Variants in RPS10 observed in about 807,000 individuals in gnomAD.
RPS10 encodes small ribosomal subunit protein eS10.
RPS10 carries 2 observed loss-of-function variants against 22.6 expected under a neutral mutation model. That is an observed-to-expected ratio of 0.09 (90% CI 0.04 to 0.28). The LOEUF is 0.28. Among genes scored for constraint, RPS10 ranks in the 10% least tolerant of loss-of-function variants. The pLI, the probability that RPS10 is intolerant of heterozygous loss-of-function variation, is 1.00. For missense variants in RPS10, 137 were observed against 222.2 expected, an observed-to-expected ratio of 0.62 and a Z score of 2.44; for synonymous variants, 70 against 75.9, an observed-to-expected ratio of 0.92 and a Z score of 0.40.
intron 4 of RPS10, among the ~76,000 whole-genome samples, chr6:34,421,344 G>A (rs936240634): frequency 2.0e-5 from 3 of 151,294 alleles, no homozygotes; most frequent in Non-Finnish European, 4.4e-5. Flanking sequence ...CCACCACACC[G>A]CCCTAATTTT....
intron 4 of RPS10, 22 bp from the exon 5 acceptor site, chr6:34,418,446 T>C: frequency 1.2e-6 from 2 of 1,614,200 alleles, no homozygotes; most frequent in Non-Finnish European, 1.7e-6. Flanking sequence ...AACATCGATT[T>C]AGAATCATCA....
At chr6:34,420,864 T>C (rs976825893) in intron 4 of RPS10, among the ~76,000 whole-genome samples, 3 of 151,420 alleles carry the variant, frequency 2.0e-5, no homozygotes, top group Non-Finnish European at 4.4e-5. Context: ...AAAAATTAGC[T>C]GGGCATGGCG....
At chr6:34,421,658 C>G in intron 4 of RPS10, 72 bp downstream of exon 4, 1 of 1,577,258 alleles carries the variant, frequency 6.3e-7, no homozygotes, top group Non-Finnish European at 8.7e-7. Flanking sequence ...GAGCCCCACC[C>G]AGCCAGAGCC....
At chr6:34,418,142 G>T (rs1439505932) in intron 5 of RPS10, 2 of 1,456,786 alleles carry the variant, frequency 1.4e-6, no homozygotes. Flanking sequence ...GAAAATACTA[G>T]TAGGCCACAT....
intron 3 of RPS10, chr6:34,424,166 C>CAAAAAAAAAAAAAAAAAAA (rs1765871776): frequency 4.6e-4 from 6 of 12,976 alleles, no homozygotes; most frequent in Admixed American, 1.3e-3. Flanking sequence ...AAAAAAAAAG[C>CAAAAAAAAAAAAAAAAAAA]AACTGTGAGC....
intron 3 of RPS10, among the ~76,000 whole-genome samples, chr6:34,424,078 T>C (rs777123374): frequency 7.1e-5 from 9 of 126,258 alleles, no homozygotes; most frequent in Non-Finnish European, 9.5e-5. Flanking sequence ...CTAGATAAAA[T>C]ACAGGCCAAG....
At position 34,426,052 on chromosome 6, in the gene RPS10, G is replaced by C. The variant is rs181470609; in HGVS notation, c.-21C>G. The C allele has an allele frequency of 1.2e-3, 182 of 152,534 alleles. 1 individual carries two copies. In the East Asian group the frequency reaches 0.013, roughly 11 times the overall value. The allele number at this position is 152,534 out of a possible 1,614,324, so 9.4% of individuals were successfully genotyped here. A position where few individuals can be genotyped will look rare whatever the true frequency, so the allele number is the denominator to read the frequency against. ...CTCACCTCTGCGGCTGCAGGGTCCG[G>C]TACCGGGGCTGGAAAGGAAGGAGCA... On this transcript the variant is annotated 5_prime_UTR_variant, in exon 1 of 6. Coordinates refer to ENST00000648437, the MANE Select transcript of RPS10 (RefSeq NM_001014.5).
At chr6:34,421,862 T>TA in intron 3 of RPS10, 55 bp from the exon 4 acceptor site, 1 of 1,606,252 alleles carries the variant, frequency 6.2e-7, no homozygotes, top group Non-Finnish European at 8.5e-7. Context: ...CTCTGTCCCT[T>TA]AAAGCCAAGA....
chr6:34,423,879 A>T (rs775474929), intron 3 of RPS10, among the ~76,000 whole-genome samples: 1 of 152,100 alleles, frequency 6.6e-6, no homozygotes, highest in Non-Finnish European at 1.5e-5. Context: ...ACTCTGTCTC[A>T]AAAAATTATG....
intron 5 of RPS10, 162 bp downstream of exon 5, chr6:34,418,207 G>GCTA (rs1386960956): frequency 6.6e-7 from 1 of 1,525,286 alleles, no homozygotes; most frequent in East Asian, 2.5e-5. Context: ...AAGTTTGCAT[G>GCTA]CTACAACTCA....
chr6:34,425,518 T>G, intron 1 of RPS10: 1 of 384,124 alleles, frequency 2.6e-6, no homozygotes, highest in Non-Finnish European at 5.0e-6. Flanking sequence ...GAGCAAACCC[T>G]GTATTATCGG....
chr6:34,421,909 C>T (rs766732970), intron 3 of RPS10, 102 bp from the exon 4 acceptor site: 19 of 1,282,010 alleles, frequency 1.5e-5, no homozygotes, highest in Non-Finnish European at 1.9e-5. Flanking sequence ...CTCTCAGCAA[C>T]CACTTGGTTA....
chr6:34,425,713 C>T (rs1334496318), intron 1 of RPS10: 2 of 175,730 alleles, frequency 1.1e-5, no homozygotes, highest in African/African-American at 4.7e-5. Context: ...ACTAGAGCTC[C>T]AGTGCCAGGC....
intron 1 of RPS10, 54 bp from the exon 2 acceptor site, chr6:34,425,275 C>A (rs558518054): frequency 1.9e-6 from 3 of 1,553,420 alleles, no homozygotes; most frequent in East Asian, 2.4e-5. Context: ...GGCCGGGGCC[C>A]GGTAATCAAG....
Position 34,425,193 on chromosome 6 carries a change from G to A in RPS10, c.29C>T (p.Ala10Val), listed in dbSNP as rs1363536947. 17 of 1,612,712 alleles carry A rather than the reference G, an allele frequency of 1.1e-5. No individual in the cohort carries two copies. The highest frequency in any genetic ancestry group is 1.3e-5 in the Non-Finnish European group (15 of 1,179,620). Residue 10 changes from alanine to valine, a missense_variant, in exon 2 of 6, where the codon GCC becomes GTC. Physicochemically the swap from Ala to Val is moderately conservative, Grantham distance 64 (BLOSUM62 0). Transcript: ENST00000648437. The stretch of plus-strand genomic sequence containing the variant: ...CTCCTTAAAAAGGAGTTCATAAATG[G>A]CAATCCGGTTCTTCTTAGGCATCAA... Reference protein sequence around the residue: MLMPKKNRIAIYELLFKEGV... With the variant: MLMPKKNRIVIYELLFKEGV...
chr6:34,423,062 A>C (rs1161246687), intron 3 of RPS10, among the ~76,000 whole-genome samples: 3 of 152,152 alleles, frequency 2.0e-5, no homozygotes, highest in Admixed American at 1.3e-4. Context: ...CCTAGGTGAC[A>C]GAATATAAAC....
intron 3 of RPS10, chr6:34,424,163 A>AAAAAAAAAAAAAAAAAAAAAAAAAAAAAC (rs1561939868): frequency 1.3e-5 from 2 of 150,930 alleles, no homozygotes; most frequent in African/African-American, 5.0e-5. Context: ...AAAAAAAAAA[A>AAAAAAAAAAAAAAAAAAAAAAAAAAAAAC]AGCAACTGTG....
chr6:34,417,747 CATTGGTA>C (rs1765627556), intron 5 of RPS10, 200 bp from the exon 6 acceptor site: 2 of 722,216 alleles, frequency 2.8e-6, no homozygotes, highest in Non-Finnish European at 5.1e-6. Context: ...CCCATTTCTT[CATTGGTA>C]AAGTGGGAGT....
chr6:34,423,588 A>G (rs1327036293), intron 3 of RPS10, among the ~76,000 whole-genome samples: 1 of 152,208 alleles, frequency 6.6e-6, no homozygotes, highest in African/African-American at 2.4e-5. Flanking sequence ...ACTTTTGCTA[A>G]AAAGACGTAT....
Sources: allele counts gnomAD v4.1 joint callset (sites outside exome capture counted in the v4.1 genomes callset), GRCh38; gene constraint gnomAD v4.1.1; transcripts MANE v1.5; gene names NCBI Gene and HGNC (gene_info 2026-07-23, HGNC 2026-07-21).